Variants in RPRD1B observed in about 807,000 individuals in gnomAD.
RPRD1B encodes regulation of nuclear pre-mRNA domain containing 1B.
In RPRD1B, 11 loss-of-function variants were observed where a neutral mutation model predicts 41.5. The ratio of observed to expected loss-of-function variants is 0.27; its 90% confidence interval spans 0.17 to 0.44. The LOEUF (loss-of-function observed/expected upper bound fraction) is 0.44, where lower values mean the gene tolerates loss of function less well. Among genes scored for constraint, RPRD1B ranks in the 20% least tolerant of loss-of-function variants. RPRD1B has a pLI of 1.00. For missense variants in RPRD1B, 248 were observed against 389.9 expected (o/e 0.64, Z 3.06); for synonymous variants, 158 against 155.6 (o/e 1.02, Z -0.12).
At chr20:38,053,652 T>A (rs1432127079) in intron 3 of RPRD1B, among the ~76,000 whole-genome samples, 1 of 152,192 alleles carries the variant, frequency 6.6e-6, no homozygotes, top group Non-Finnish European at 1.5e-5. Flanking sequence ...AATAGGGACA[T>A]GATGGAGTGA....
chr20:38,051,829 G>A lies in RPRD1B; in HGVS notation c.415+3348G>A, dbSNP rs551361499. On this transcript the variant is annotated intron_variant, in intron 3 of 6. Transcript: ENST00000373433. Reference sequence around the variant, plus strand: ...TGCAATGGCGGGACCTCGGCTCACCGCAACCTCTGCCTCCCAGGTTCAAGT... The same window carrying A: ...TGCAATGGCGGGACCTCGGCTCACCACAACCTCTGCCTCCCAGGTTCAAGT... Among the ~76,000 whole-genome samples the A allele has an allele frequency of 3.9e-3, 600 of 152,024 alleles. 4 individuals carry two copies. The highest frequency in any genetic ancestry group is 5.1e-3 in the Non-Finnish European group (348 of 68,016).
chr20:38,090,155 T>C lies in RPRD1B; in HGVS notation c.*280T>C. The C allele has an allele frequency of 6.1e-6, 7 of 1,142,198 alleles. No homozygotes were observed. Among genetic ancestry groups the C allele is most frequent in the Non-Finnish European group, 7.6e-6 (7 of 927,076 alleles). 70.8% of individuals were successfully genotyped at this position (1,142,198 alleles called of 1,614,324 possible). On this transcript the variant is annotated 3_prime_UTR_variant, in exon 7 of 7. Transcript: ENST00000373433. ...TGCCCCCCTGTTGGTTTTCCATTCT[T>C]AACTGTCTCCTTATACCTAAGAAGT...
chr20:38,075,580 G>A (rs2074451489), intron 6 of RPRD1B, among the ~76,000 whole-genome samples: 1 of 152,182 alleles, frequency 6.6e-6, no homozygotes, highest in Admixed American at 6.5e-5. Context: ...TACTGTTAAG[G>A]TGGGCCTTCT....
chr20:38,048,392 A>G lies in RPRD1B; in HGVS notation c.326A>G (p.Asn109Ser), dbSNP rs780038337. The G allele has an allele frequency of 6.2e-7, 1 of 1,613,948 alleles. No homozygotes were observed. Among genetic ancestry groups the G allele is most frequent in the Non-Finnish European group, 8.5e-7 (1 of 1,179,858 alleles). ...GCKKPLERLLNIWQERSVYGG... is the reference protein window; with the variant it reads ...GCKKPLERLLSIWQERSVYGG... The stretch of plus-strand genomic sequence containing the variant: ...AAAAAACCTTTAGAAAGATTGCTGA[A>G]CATCTGGCAAGAACGAAGTGTGTAT... Residue 109 changes from asparagine (N) to serine (S), a missense_variant, in exon 3 of 7, where the codon AAC becomes AGC. By Grantham distance (46) the Asn-to-Ser change is conservative. This residue lies in a region of RPRD1B where 47 missense variants were observed against 103.6 expected (regional missense o/e 0.45). Transcript: ENST00000373433.
At chr20:38,052,646 G>T (rs1041460508) in intron 3 of RPRD1B, among the ~76,000 whole-genome samples, 1 of 149,806 alleles carries the variant, frequency 6.7e-6, no homozygotes, top group Admixed American at 6.7e-5. Flanking sequence ...TTTTGTTGTT[G>T]TTAACTAGTC....
At chr20:38,084,878 G>C (rs1159000119) in intron 6 of RPRD1B, among the ~76,000 whole-genome samples, 1 of 152,216 alleles carries the variant, frequency 6.6e-6, no homozygotes, top group Non-Finnish European at 1.5e-5. Flanking sequence ...AACCCAGGCA[G>C]TTTCTCGAAG....
chr20:38,090,698 G>A lies in RPRD1B; in HGVS notation c.*823G>A, dbSNP rs183686206. 46 of 985,516 alleles carry A rather than the reference G, an allele frequency of 4.7e-5. No homozygotes were observed. The African/African-American group carries it at 6.8e-4, about 15-fold the overall frequency. 61.0% of individuals were successfully genotyped at this position (985,516 alleles called of 1,614,324 possible). The stretch of plus-strand genomic sequence containing the variant: ...CGAAGGCAGTTGTTAGGGATGGCAG[G>A]CATTGGTGGGCTCCAAAAGATGAAG... On this transcript the variant is annotated 3_prime_UTR_variant, in exon 7 of 7. Coordinates refer to ENST00000373433, the MANE Select transcript of RPRD1B (RefSeq NM_021215.4).
Position 38,090,381 on chromosome 20 carries a change from G to A in RPRD1B, c.*506G>A, listed in dbSNP as rs139709483. ...AGGTTGTAGGCACAGCTGTCGTAGC[G>A]TTGCCATAAAGAGTTTGCCAAATCT... On this transcript the variant is annotated 3_prime_UTR_variant, in exon 7 of 7. Transcript: ENST00000373433. 478 of 986,116 alleles carry A rather than the reference G, an allele frequency of 4.8e-4. 1 individual carries two copies. The highest frequency in any genetic ancestry group is 1.0e-3 in the Middle Eastern group (2 of 1,914). The allele number at this position is 986,116 out of a possible 1,614,324, so 61.1% of individuals were successfully genotyped here. A position where few individuals can be genotyped will look rare whatever the true frequency, so the allele number is the denominator to read the frequency against.
intron 3 of RPRD1B, among the ~76,000 whole-genome samples, chr20:38,054,587 T>C (rs2074221060): frequency 6.6e-6 from 1 of 152,172 alleles, no homozygotes; most frequent in African/African-American, 2.4e-5. Context: ...CATGAAAATT[T>C]GAGTTGGGGG....
Position 38,057,638 on chromosome 20 carries a change from C to A in RPRD1B, c.522C>A (p.Pro174=). 1 of 1,610,864 alleles carries A rather than the reference C, an allele frequency of 6.2e-7. No individual in the cohort carries two copies. Among genetic ancestry groups the A allele is most frequent in the East Asian group, 2.2e-5 (1 of 44,864 alleles). Residue 174 remains proline (P), a synonymous_variant, in exon 4 of 7, where the codon CCC becomes CCA. Coordinates refer to ENST00000373433, the MANE Select transcript of RPRD1B (RefSeq NM_021215.4). The part of the protein sequence containing the change: ...SYSPQDPSAG[P]LLTEELIKAL... ...CTCCTCAGGATCCTTCTGCAGGACC[C>A]CTCTTGGTAGGTCTTGACCCCCAGA...
intron 6 of RPRD1B, among the ~76,000 whole-genome samples, chr20:38,087,426 A>G (rs531406151): frequency 1.3e-5 from 2 of 152,282 alleles, no homozygotes; most frequent in South Asian, 2.1e-4. Flanking sequence ...CTCAGCTTCT[A>G]GAGACTTGGT....
At chr20:38,064,583 A>G (rs931231600) in intron 5 of RPRD1B, among the ~76,000 whole-genome samples, 2 of 152,148 alleles carry the variant, frequency 1.3e-5, no homozygotes, top group Non-Finnish European at 2.9e-5. Flanking sequence ...ACCCACACAT[A>G]ATTAATTATA....
intron 1 of RPRD1B, among the ~76,000 whole-genome samples, chr20:38,038,865 A>T (rs1189810985): frequency 1.3e-5 from 2 of 152,220 alleles, no homozygotes; most frequent in South Asian, 2.1e-4. Context: ...TGCTTTGTAC[A>T]TTTCAAAAGA....
chr20:38,090,923 C>T lies in RPRD1B; in HGVS notation c.*1048C>T. ...GTCACGCCACTGCACAGGTCCTTGT[C>T]CCCACACGACGGGGAGTACTTGCGT... On this transcript the variant is annotated 3_prime_UTR_variant, in exon 7 of 7. Coordinates refer to ENST00000373433, the MANE Select transcript of RPRD1B (RefSeq NM_021215.4). 1 of 985,444 alleles carries T rather than the reference C, an allele frequency of 1.0e-6. No individual in the cohort carries two copies. Among genetic ancestry groups the T allele is most frequent in the Non-Finnish European group, 1.2e-6 (1 of 829,940 alleles). 61.0% of individuals were successfully genotyped at this position (985,444 alleles called of 1,614,324 possible).
At chr20:38,067,292 T>C (rs1377045694) in intron 6 of RPRD1B, among the ~76,000 whole-genome samples, 6 of 152,158 alleles carry the variant, frequency 3.9e-5, no homozygotes, top group Admixed American at 2.0e-4. Context: ...TTTTCAGGAA[T>C]GTCTGCTCTT....
chr20:38,055,461 T>G (rs1366121181), intron 3 of RPRD1B, among the ~76,000 whole-genome samples: 1 of 152,152 alleles, frequency 6.6e-6, no homozygotes, highest in African/African-American at 2.4e-5. Context: ...TTTTTTTTTT[T>G]TGTTAGCGTC....
intron 2 of RPRD1B, among the ~76,000 whole-genome samples, chr20:38,043,602 G>A (rs545443404): frequency 6.6e-6 from 1 of 152,322 alleles, no homozygotes; most frequent in South Asian, 2.1e-4. Flanking sequence ...CAGGCTAGAG[G>A]TGACATTGCC....
At chr20:38,071,557 A>G (rs1180549645) in intron 6 of RPRD1B, among the ~76,000 whole-genome samples, 1 of 152,214 alleles carries the variant, frequency 6.6e-6, no homozygotes. Flanking sequence ...GTATAAATCT[A>G]GGAGTGGAAT....
At chr20:38,045,830 C>G (rs1258048493) in intron 2 of RPRD1B, among the ~76,000 whole-genome samples, 1 of 152,234 alleles carries the variant, frequency 6.6e-6, no homozygotes, top group Non-Finnish European at 1.5e-5. Flanking sequence ...TAACTAAGTT[C>G]TGATTAGTTG....
Sources: gnomAD v4.1 joint callset for allele counts (sites outside exome capture counted in the v4.1 genomes callset) on GRCh38, gnomAD v4.1.1 for gene constraint, gnomAD v4.1.1 regional missense constraint, MANE v1.5 for transcripts, NCBI Gene and HGNC (gene_info 2026-07-23, HGNC 2026-07-21) for gene names.